QTMAN: variants seen among roughly 807,000 people sequenced by gnomAD.
The protein encoded by QTMAN is tRNA-queuosine alpha-mannosyltransferase.
At chr2:144,257,644 G>C in the QTMAN span, among the ~76,000 whole-genome samples, 1 of 152,144 alleles carries the variant, frequency 6.6e-6, no homozygotes, top group Non-Finnish European at 1.5e-5. Flanking sequence ...AACCCAAATA[G>C]AAGTGCAAAT....
the QTMAN span, among the ~76,000 whole-genome samples, chr2:144,191,858 ACT>A: frequency 1.3e-5 from 2 of 152,198 alleles, no homozygotes; most frequent in Admixed American, 6.5e-5. Flanking sequence ...ATTATCTAAT[ACT>A]TTATAACTTT....
At chr2:144,183,964 C>G in the QTMAN span, among the ~76,000 whole-genome samples, 4 of 152,146 alleles carry the variant, frequency 2.6e-5, no homozygotes, top group Non-Finnish European at 4.4e-5. Flanking sequence ...AAACCACCCT[C>G]ATGATGGCTA....
chr2:143,986,004 A>G, the QTMAN span, among the ~76,000 whole-genome samples: 1 of 152,200 alleles, frequency 6.6e-6, no homozygotes, highest in Non-Finnish European at 1.5e-5. Context: ...ACCAGTAAGT[A>G]TTAAATGCCT....
the QTMAN span, chr2:144,211,337 C>T: frequency 6.6e-6 from 1 of 152,600 alleles, no homozygotes; most frequent in South Asian, 2.1e-4. Flanking sequence ...TTTGAACTAG[C>T]ATTTACGTGA....
the QTMAN span, among the ~76,000 whole-genome samples, chr2:144,008,460 AAG>A: frequency 1.3e-5 from 2 of 152,046 alleles, no homozygotes; most frequent in African/African-American, 4.8e-5. Context: ...TCAAAGGAAA[AAG>A]GGGTGAAGAA....
At chr2:144,263,722 C>A in the QTMAN span, among the ~76,000 whole-genome samples, 1 of 151,948 alleles carries the variant, frequency 6.6e-6, no homozygotes, top group Non-Finnish European at 1.5e-5. Flanking sequence ...GACTTTGTCT[C>A]CAAAAAAAGA....
the QTMAN span, among the ~76,000 whole-genome samples, chr2:143,981,340 T>C: frequency 4.6e-5 from 7 of 152,156 alleles, no homozygotes; most frequent in Non-Finnish European, 5.9e-5. Flanking sequence ...GAACCATGTT[T>C]TTTTTTTTCT....
the QTMAN span, among the ~76,000 whole-genome samples, chr2:144,218,915 TAA>T: frequency 0.046 from 2,521 of 54,514 alleles, 44 homozygotes; most frequent in African/African-American, 0.14. Context: ...GGAAAGTATC[TAA>T]AAAAAAAAAA....
At chr2:144,263,660 T>C in the QTMAN span, among the ~76,000 whole-genome samples, 5 of 152,238 alleles carry the variant, frequency 3.3e-5, no homozygotes, top group South Asian at 6.2e-4. Flanking sequence ...GAGGAAGAGG[T>C]TGCAGTGAGC....
chr2:144,183,609 T>C, the QTMAN span, among the ~76,000 whole-genome samples: 1 of 152,212 alleles, frequency 6.6e-6, no homozygotes, highest in Non-Finnish European at 1.5e-5. Context: ...AATAATCACA[T>C]TAAAGCATCA....
chr2:143,956,414 C>G, the QTMAN span, among the ~76,000 whole-genome samples: 1 of 152,044 alleles, frequency 6.6e-6, no homozygotes, highest in African/African-American at 2.4e-5. Context: ...TACAGAAACA[C>G]TTAGATATAT....
the QTMAN span, among the ~76,000 whole-genome samples, chr2:144,090,640 T>G: frequency 1.3e-5 from 2 of 152,034 alleles, no homozygotes; most frequent in South Asian, 2.1e-4. Flanking sequence ...AATATTGAAG[T>G]ATACATCAAA....
chr2:144,314,326 G>A, the QTMAN span, among the ~76,000 whole-genome samples: 1,710 of 152,244 alleles, frequency 0.011, 24 homozygotes, highest in Admixed American at 0.028. Context: ...TATATATGAA[G>A]CTCAAGAACA....
the QTMAN span, among the ~76,000 whole-genome samples, chr2:144,258,189 G>T: frequency 7.1e-6 from 1 of 140,096 alleles, no homozygotes; most frequent in Non-Finnish European, 1.5e-5. Flanking sequence ...AAGGTAAAAA[G>T]ATACCCAGTT....
the QTMAN span, among the ~76,000 whole-genome samples, chr2:144,317,780 A>C: frequency 6.6e-6 from 1 of 152,220 alleles, no homozygotes; most frequent in African/African-American, 2.4e-5. Context: ...TCAATAAATC[A>C]ATTAATGGCT....
the QTMAN span, among the ~76,000 whole-genome samples, chr2:144,035,408 C>G: frequency 6.6e-6 from 1 of 151,752 alleles, no homozygotes; most frequent in African/African-American, 2.4e-5. Context: ...TTTTTAAGCT[C>G]AAGTATAACA....
At chr2:144,177,273 TTTTG>T in the QTMAN span, 2 of 659,390 alleles carry the variant, frequency 3.0e-6, no homozygotes, top group Non-Finnish European at 2.7e-6. Flanking sequence ...AAAACATTGT[TTTTG>T]TTTATTTTAA....
At chr2:144,143,304 A>T in the QTMAN span, among the ~76,000 whole-genome samples, 1 of 151,992 alleles carries the variant, frequency 6.6e-6, no homozygotes, top group African/African-American at 2.4e-5. Flanking sequence ...CCACCCTAAA[A>T]ATGATAGATC....
chr2:144,071,026 G>T, the QTMAN span, among the ~76,000 whole-genome samples: 10 of 152,182 alleles, frequency 6.6e-5, no homozygotes, highest in African/African-American at 2.4e-4. Flanking sequence ...AGAAAAGAGG[G>T]TTGTTATTTA....
Sources: gnomAD v4.1 joint callset for allele counts (sites outside exome capture counted in the v4.1 genomes callset) on GRCh38, gnomAD v4.1.1 for gene constraint, MANE v1.5 for transcripts, NCBI Gene and HGNC (gene_info 2026-07-23, HGNC 2026-07-21) for gene names.